Variants in PHF24 observed in about 807,000 individuals in gnomAD.
The protein encoded by PHF24 is Galpha inhibitory interacting protein.
Under a neutral mutation model 42.6 loss-of-function variants are expected in PHF24, and 25 were observed. The observed-to-expected ratio is 0.59, with a 90% CI of 0.43 to 0.82. The LOEUF (loss-of-function observed/expected upper bound fraction) is 0.82. PHF24 is among the 40% of genes least tolerant of loss of function. The pLI is 0.00. For missense variants in PHF24, 470 were observed against 538.1 expected, an observed-to-expected ratio of 0.87 and a Z score of 1.25; for synonymous variants, 185 against 204.8, an observed-to-expected ratio of 0.90 and a Z score of 0.83.
chr9:34,668,968 T>A, the PHF24 span, among the ~76,000 whole-genome samples: 5 of 152,172 alleles, frequency 3.3e-5, no homozygotes, highest in African/African-American at 1.2e-4. Flanking sequence ...CCCCACTCCA[T>A]GTAAATTGTG....
chr9:34,837,202 G>T, the PHF24 span: 1 of 454,658 alleles, frequency 2.2e-6, no homozygotes, highest in Non-Finnish European at 4.5e-6. Flanking sequence ...GAGGTTGGAG[G>T]CCTTTGACTC....
At chr9:34,928,515 A>C in the PHF24 span, among the ~76,000 whole-genome samples, 275 of 152,268 alleles carry the variant, frequency 1.8e-3, 5 homozygotes, top group East Asian at 0.048. Flanking sequence ...TTGTGGCAAA[A>C]AAGACTCTCC....
chr9:34,740,596 C>G, the PHF24 span, among the ~76,000 whole-genome samples: 26 of 152,312 alleles, frequency 1.7e-4, no homozygotes, highest in Non-Finnish European at 2.9e-4. Flanking sequence ...TCGCGCAGCC[C>G]CGGTTCCCGC....
the PHF24 span, chr9:34,922,839 G>A: frequency 9.4e-6 from 15 of 1,590,140 alleles, no homozygotes; most frequent in Non-Finnish European, 1.3e-5. Flanking sequence ...CTCAGTTACA[G>A]ACTTCATGCA....
intron 3 of PHF24, among the ~76,000 whole-genome samples, chr9:34,973,005 G>A (rs1193389666): frequency 6.6e-6 from 1 of 151,852 alleles, no homozygotes. Context: ...ATTTTAGGCT[G>A]GCTAGTTACT....
the PHF24 span, among the ~76,000 whole-genome samples, chr9:34,910,073 T>C: frequency 6.6e-6 from 1 of 152,228 alleles, no homozygotes; most frequent in African/African-American, 2.4e-5. Context: ...TATAAAATTG[T>C]GGAAGGTCAG....
At chr9:34,820,407 C>A in the PHF24 span, among the ~76,000 whole-genome samples, 2 of 151,932 alleles carry the variant, frequency 1.3e-5, no homozygotes, top group Admixed American at 1.3e-4. Flanking sequence ...TCAAGTAGGC[C>A]CCAGTATTTG....
the PHF24 span, chr9:34,726,962 C>A: frequency 6.5e-7 from 1 of 1,550,350 alleles, no homozygotes; most frequent in South Asian, 1.2e-5. Flanking sequence ...TCGCCGCACA[C>A]TTCTCTCCAG....
chr9:34,822,967 C>T, the PHF24 span, among the ~76,000 whole-genome samples: 4 of 151,444 alleles, frequency 2.6e-5, no homozygotes, highest in South Asian at 2.1e-4. Flanking sequence ...GAGGCCGAGG[C>T]GGGTGGATCA....
the PHF24 span, among the ~76,000 whole-genome samples, chr9:34,884,936 T>C: frequency 2.3e-3 from 349 of 152,326 alleles, 1 homozygote; most frequent in African/African-American, 7.5e-3. Context: ...TGCTGGGGCA[T>C]GTAGGAGCCT....
chr9:34,927,996 A>C, the PHF24 span, among the ~76,000 whole-genome samples: 1 of 152,076 alleles, frequency 6.6e-6, no homozygotes, highest in African/African-American at 2.4e-5. Context: ...AATAGCTAGA[A>C]TTAATAAGAT....
chr9:34,906,389 G>T, the PHF24 span, among the ~76,000 whole-genome samples: 2 of 152,054 alleles, frequency 1.3e-5, no homozygotes. Context: ...CGTTATACAT[G>T]GATTGAGAGA....
At chr9:34,958,051 C>T (rs1288089078), upstream of PHF24, among the ~76,000 whole-genome samples, 1 of 150,226 alleles carries the variant, frequency 6.7e-6, no homozygotes, top group Non-Finnish European at 1.5e-5. This position sits in a 1 kb window ranked among gnomAD's most constrained non-coding sequence, Gnocchi z 4.5. Context: ...CCCACGGCGC[C>T]CCACGCCCGC....
chr9:34,855,174 C>T, the PHF24 span, among the ~76,000 whole-genome samples: 3 of 152,092 alleles, frequency 2.0e-5, no homozygotes, highest in Non-Finnish European at 4.4e-5. Context: ...TGTCTTTGCA[C>T]ATTAGATGGG....
the PHF24 span, among the ~76,000 whole-genome samples, chr9:34,804,572 C>T: frequency 1.3e-5 from 2 of 152,072 alleles, no homozygotes; most frequent in African/African-American, 4.8e-5. Flanking sequence ...TTATTAAATC[C>T]TCATTTCATA....
At chr9:34,828,617 C>T in the PHF24 span, among the ~76,000 whole-genome samples, 15 of 152,202 alleles carry the variant, frequency 9.9e-5, no homozygotes, top group Non-Finnish European at 1.8e-4. Flanking sequence ...ATCTGTTTTT[C>T]TTAATGTCAC....
the PHF24 span, among the ~76,000 whole-genome samples, chr9:34,939,633 A>G: frequency 6.6e-6 from 1 of 152,238 alleles, no homozygotes; most frequent in Non-Finnish European, 1.5e-5. Flanking sequence ...GCAGACCATG[A>G]GAAGCATGGC....
chr9:34,876,614 GCA>G, the PHF24 span, among the ~76,000 whole-genome samples: 2 of 152,126 alleles, frequency 1.3e-5, no homozygotes, highest in East Asian at 3.9e-4. Flanking sequence ...TTAGAGAAAT[GCA>G]AATCAACACC....
the PHF24 span, among the ~76,000 whole-genome samples, chr9:34,796,664 G>A: frequency 6.6e-6 from 1 of 152,208 alleles, no homozygotes; most frequent in Non-Finnish European, 1.5e-5. Flanking sequence ...ACCATATCAA[G>A]TACTAGCAAG....
Sources: gnomAD v4.1 joint callset for allele counts (sites outside exome capture counted in the v4.1 genomes callset) on GRCh38, gnomAD v4.1.1 for gene constraint, Gnocchi (gnomAD v3.1) non-coding constraint, MANE v1.5 for transcripts, NCBI Gene and HGNC (gene_info 2026-07-23, HGNC 2026-07-21) for gene names.